SAA1: variants seen among roughly 807,000 people sequenced by gnomAD.
The protein encoded by SAA1 is serum amyloid A-1 protein.
A neutral mutation model predicts 9.8 loss-of-function variants in SAA1; 4 were observed. The ratio of observed to expected loss-of-function variants is 0.41; its 90% CI spans 0.20 to 0.93. SAA1 has a LOEUF of 0.93. SAA1 is among the 40% of genes least tolerant of loss of function. The pLI, the probability that SAA1 is intolerant of heterozygous loss-of-function variation, is 0.33. For missense variants in SAA1, 114 were observed against 155.5 expected (o/e 0.73, Z 1.42); for synonymous variants, 47 against 57.7 (o/e 0.82, Z 0.84).
intron 3 of SAA1, 113 bp from the exon 4 acceptor site, chr11:18,269,604 T>C: frequency 6.7e-7 from 1 of 1,487,496 alleles, no homozygotes. Context: ...CCCTCCTTCC[T>C]TGGCCTTTCT....
chr11:18,266,669 T>C (rs1183785661), intron 1 of SAA1, among the ~76,000 whole-genome samples: 1 of 152,096 alleles, frequency 6.6e-6, no homozygotes, highest in South Asian at 2.1e-4. Context: ...CAGTGCCACG[T>C]TGGCATCCTC....
chr11:18,268,506 C>T (rs1391155498), intron 2 of SAA1, among the ~76,000 whole-genome samples: 1 of 152,194 alleles, frequency 6.6e-6, no homozygotes, highest in Non-Finnish European at 1.5e-5. Flanking sequence ...CACTGGAACT[C>T]ACGTCACAAT....
chr11:18,269,541 C>A (rs983897345), intron 3 of SAA1, among the ~76,000 whole-genome samples, 176 bp from the exon 4 acceptor site: 3 of 152,164 alleles, frequency 2.0e-5, no homozygotes, highest in African/African-American at 7.2e-5. Flanking sequence ...TGCTGTTCAT[C>A]CAGCCTAGGG....
At chr11:18,267,520 C>T (rs1418926787) in intron 2 of SAA1, among the ~76,000 whole-genome samples, 2 of 123,176 alleles carry the variant, frequency 1.6e-5, no homozygotes, top group East Asian at 4.2e-4. Flanking sequence ...CAGCATAAAT[C>T]GCATAGGAGT....
intron 3 of SAA1, 86 bp from the exon 4 acceptor site, chr11:18,269,631 C>T: frequency 1.3e-6 from 2 of 1,548,082 alleles, no homozygotes; most frequent in South Asian, 1.2e-5. Context: ...CTCTCTGAGC[C>T]CTCCCTTGGA....
At chr11:18,268,544 T>C (rs1858103259) in intron 2 of SAA1, among the ~76,000 whole-genome samples, 2 of 151,904 alleles carry the variant, frequency 1.3e-5, no homozygotes, top group Admixed American at 6.6e-5. Context: ...CAAGAATATA[T>C]ACTTTAGGTC....
chr11:18,269,502 T>C (rs1388002947), intron 3 of SAA1, among the ~76,000 whole-genome samples, 169 bp downstream of exon 3: 2 of 151,982 alleles, frequency 1.3e-5, no homozygotes, highest in Non-Finnish European at 2.9e-5. Context: ...ATGGTAGGAG[T>C]GAGTGATTCC....
chr11:18,266,357 A>G (rs1248178894), intron 1 of SAA1, 61 bp downstream of exon 1: 1 of 149,648 alleles, frequency 6.7e-6, no homozygotes, highest in Non-Finnish European at 1.5e-5. Context: ...TCCCAACAAG[A>G]TTATCATTTC....
Position 18,269,697 on chromosome 11 carries a change from C to G in SAA1, c.231-20C>G. 1.2e-6 allele frequency: 2 copies of G among 1,613,646 alleles called. No homozygotes were observed. The highest frequency in any genetic ancestry group is 1.7e-6 in the Non-Finnish European group (2 of 1,179,606). ...CACTGGCCTGATTATTAATCTCCTT[C>G]TTGCCTGCCTTGATTACAGCGATGC... is the stretch of plus-strand genomic sequence containing the variant. On this transcript the variant is annotated intron_variant, in intron 3 of 3. Coordinates refer to ENST00000356524, the MANE Select transcript of SAA1 (RefSeq NM_199161.5).
chr11:18,269,410 T>A, intron 3 of SAA1, 77 bp downstream of exon 3: 1 of 1,528,898 alleles, frequency 6.5e-7, no homozygotes, highest in African/African-American at 1.4e-5. Context: ...GGAGACGAGC[T>A]CCTTGTGGAG....
At chr11:18,269,095 G>A (rs1452996654) in intron 2 of SAA1, 100 bp from the exon 3 acceptor site, 54 of 1,592,214 alleles carry the variant, frequency 3.4e-5, no homozygotes, top group Non-Finnish European at 4.5e-5. Context: ...CTGAAAGCTT[G>A]AAGTCAGTGG....
In SAA1 at chr11:18,269,849, A is replaced by C; in HGVS notation, c.363A>C (p.Lys121Asn). ...TCCGACCTGCTGGCCTGCCTGAGAA[A>C]TACTGAGCTTCCTCTTCACTCTGCT... The part of the protein sequence containing the change: ...NHFRPAGLPE[K>N]Y The change falls in exon 4 of 4, where the codon AAA becomes AAC. Residue 121 changes from lysine (K) to asparagine (N), a missense_variant. Around this residue, in one of 2 missense-constraint regions of SAA1, gnomAD observed 68 missense variants for 54.7 expected, o/e 1.24. Transcript: ENST00000356524. 6.2e-7 allele frequency: 1 copy of C among 1,614,148 alleles called. No individual in the cohort carries two copies. The highest frequency in any genetic ancestry group is 8.5e-7 in the Non-Finnish European group (1 of 1,180,034).
At chr11:18,268,438 C>T (rs563058845) in intron 2 of SAA1, among the ~76,000 whole-genome samples, 2 of 152,258 alleles carry the variant, frequency 1.3e-5, no homozygotes, top group African/African-American at 4.8e-5. Context: ...TCAAGCAACC[C>T]ACAGCATCAG....
chr11:18,269,065 A>G (rs1858128796), intron 2 of SAA1, 130 bp from the exon 3 acceptor site: 2 of 1,386,358 alleles, frequency 1.4e-6, no homozygotes, highest in African/African-American at 2.9e-5. Flanking sequence ...CATGGTATCC[A>G]AGGCTGCTAT....
Position 18,267,776 on chromosome 11 carries a change from T to C in SAA1, c.91+798T>C, listed in dbSNP as rs1358670369. Among the ~76,000 whole-genome samples the C allele has an allele frequency of 2.8e-5, 3 of 106,068 alleles. 1 individual carries two copies. The highest frequency in any genetic ancestry group is 1.0e-4 in the African/African-American group (3 of 29,740). 69.6% of individuals were successfully genotyped at this position (106,068 alleles called of 152,430 possible). A position where few individuals can be genotyped will look rare whatever the true frequency, so the allele number is the denominator to read the frequency against. On this transcript the variant is annotated intron_variant, in intron 2 of 3. Coordinates refer to ENST00000356524, the MANE Select transcript of SAA1 (RefSeq NM_199161.5). ...GACTCTGTGACGCAATCTTCCTCTC[T>C]TGGAAGGTGAGAAAGCTGATCTTGG...
chr11:18,269,102 G>A, intron 2 of SAA1, 93 bp from the exon 3 acceptor site: 2 of 1,601,152 alleles, frequency 1.2e-6, no homozygotes, highest in Non-Finnish European at 1.7e-6. Context: ...CTTGAAGTCA[G>A]TGGAAGATTT....
intron 2 of SAA1, among the ~76,000 whole-genome samples, chr11:18,268,326 C>T (rs893032665): frequency 4.6e-5 from 7 of 151,488 alleles, no homozygotes; most frequent in African/African-American, 1.2e-4. Flanking sequence ...GACTAGAGAT[C>T]GCACCAGTGT....
chr11:18,269,598 C>T, intron 3 of SAA1, 119 bp from the exon 4 acceptor site: 2 of 1,463,498 alleles, frequency 1.4e-6, no homozygotes, highest in Non-Finnish European at 1.9e-6. Flanking sequence ...TTTCATCCCT[C>T]CTTCCTTGGC....
intron 2 of SAA1, among the ~76,000 whole-genome samples, chr11:18,268,196 C>T (rs1171419047): frequency 6.6e-6 from 1 of 151,254 alleles, no homozygotes; most frequent in Non-Finnish European, 1.5e-5. Context: ...CATGGTGAAA[C>T]CCCGTCTCTA....
Sources: allele counts gnomAD v4.1 joint callset (sites outside exome capture counted in the v4.1 genomes callset), GRCh38; gene constraint gnomAD v4.1.1; regional missense constraint gnomAD v4.1.1; transcripts MANE v1.5; gene names NCBI Gene and HGNC (gene_info 2026-07-23, HGNC 2026-07-21).